Variants in CERT1 observed in about 807,000 individuals in gnomAD.
The protein encoded by CERT1 is ceramide transfer protein.
A neutral mutation model predicts 87.9 loss-of-function variants in CERT1; 31 were observed. The ratio of observed to expected loss-of-function variants is 0.35; its 90% CI spans 0.27 to 0.48. The LOEUF (loss-of-function observed/expected upper bound fraction) is 0.48, where lower values mean the gene tolerates loss of function less well. Among genes scored for constraint, CERT1 ranks in the 20% least tolerant of loss-of-function variants. CERT1 has a pLI of 0.99. For synonymous variants in CERT1, 289 were observed against 250.9 expected (o/e 1.15, Z -1.44); for missense variants, 487 against 758.0 (o/e 0.64, Z 4.20).
At chr5:75,468,682 C>T (rs1175662574) in intron 2 of CERT1, among the ~76,000 whole-genome samples, 1 of 152,144 alleles carries the variant, frequency 6.6e-6, no homozygotes, top group African/African-American at 2.4e-5. Context: ...GTGGTAACAA[C>T]AGATTCTAGT....
intron 2 of CERT1, among the ~76,000 whole-genome samples, chr5:75,498,900 C>G (rs569931962): frequency 2.0e-5 from 3 of 152,318 alleles, no homozygotes; most frequent in East Asian, 3.9e-4. Context: ...GCTGTAGACA[C>G]TCAATGCTAG....
chr5:75,509,773 C>T (rs1392434759), intron 1 of CERT1, among the ~76,000 whole-genome samples: 3 of 152,140 alleles, frequency 2.0e-5, no homozygotes, highest in Admixed American at 6.5e-5. Flanking sequence ...AAGCAAGTAA[C>T]CCACTTCCTA....
chr5:75,486,770 A>C (rs1447943512), intron 2 of CERT1, among the ~76,000 whole-genome samples: 1 of 152,130 alleles, frequency 6.6e-6, no homozygotes, highest in African/African-American at 2.4e-5. Context: ...GAATAAACTT[A>C]ACCAAAGAAG....
At chr5:75,483,089 A>G (rs1367767446) in intron 2 of CERT1, among the ~76,000 whole-genome samples, 1 of 152,236 alleles carries the variant, frequency 6.6e-6, no homozygotes, top group Non-Finnish European at 1.5e-5. Flanking sequence ...TGTGCCCTTT[A>G]AGATACGGTA....
intron 11 of CERT1, among the ~76,000 whole-genome samples, chr5:75,396,673 G>A (rs1397023988): frequency 6.8e-6 from 1 of 147,262 alleles, no homozygotes. Flanking sequence ...AGGGTGCAGT[G>A]AGCCAAGATC....
intron 3 of CERT1, among the ~76,000 whole-genome samples, chr5:75,444,554 T>C (rs1764460549): frequency 1.3e-5 from 2 of 148,302 alleles, no homozygotes; most frequent in African/African-American, 5.0e-5. Flanking sequence ...TTTTCTTTTT[T>C]TTTTTTTTTT....
chr5:75,397,800 C>T (rs1762316775), intron 11 of CERT1, among the ~76,000 whole-genome samples: 1 of 152,108 alleles, frequency 6.6e-6, no homozygotes, highest in Admixed American at 6.6e-5. Context: ...GTGGGCAGAT[C>T]ACGAGGTCAG....
intron 7 of CERT1, among the ~76,000 whole-genome samples, chr5:75,416,674 T>TATACTTTCAAGAAA (rs1338760805): frequency 6.6e-6 from 1 of 152,208 alleles, no homozygotes; most frequent in African/African-American, 2.4e-5. Flanking sequence ...GAAAGCATAC[T>TATACTTTCAAGAAA]GTATAGTAAC....
intron 2 of CERT1, among the ~76,000 whole-genome samples, chr5:75,499,115 C>T (rs988305353): frequency 6.6e-6 from 1 of 152,226 alleles, no homozygotes; most frequent in Non-Finnish European, 1.5e-5. Context: ...TGCCCATACC[C>T]TCAATGTATC....
At chr5:75,373,882 G>A, downstream of CERT1, 1 of 391,036 alleles carries the variant, frequency 2.6e-6, no homozygotes, top group Non-Finnish European at 4.5e-6. Flanking sequence ...AAAAATTAAA[G>A]CATCAATTCC....
intron 3 of CERT1, among the ~76,000 whole-genome samples, chr5:75,431,102 T>C (rs553073955): frequency 7.2e-5 from 11 of 152,262 alleles, no homozygotes; most frequent in African/African-American, 1.4e-4. Flanking sequence ...CATGTGGAGG[T>C]TTATTACATG....
intron 11 of CERT1, among the ~76,000 whole-genome samples, chr5:75,397,384 C>T (rs143397100): frequency 6.6e-6 from 1 of 152,238 alleles, no homozygotes; most frequent in African/African-American, 2.4e-5. Flanking sequence ...ATTAATATTA[C>T]GAAGAAGTAA....
chr5:75,405,289 C>T (rs1762657890), intron 8 of CERT1, among the ~76,000 whole-genome samples: 1 of 152,088 alleles, frequency 6.6e-6, no homozygotes, highest in Admixed American at 6.5e-5. Flanking sequence ...CCTCTCTAAG[C>T]ACTCTTATGG....
At chr5:75,400,445 C>T (rs1762423670) in intron 9 of CERT1, 148 bp from the exon 10 acceptor site, 1 of 551,148 alleles carries the variant, frequency 1.8e-6, no homozygotes, top group South Asian at 3.0e-5. Context: ...ACTCCGCAGA[C>T]ATGGCAAATC....
chr5:75,488,925 G>A (rs1766649491), intron 2 of CERT1, among the ~76,000 whole-genome samples: 1 of 151,870 alleles, frequency 6.6e-6, no homozygotes, highest in Non-Finnish European at 1.5e-5. Flanking sequence ...ATTTTTTTCA[G>A]AGCCCATATA....
chr5:75,369,249 A>G (rs1761001989), intron 17 of CERT1: 1 of 152,170 alleles, frequency 6.6e-6, no homozygotes, highest in Non-Finnish European at 1.5e-5. Context: ...TATTTTCCAT[A>G]TATGACTGGT....
intron 2 of CERT1, among the ~76,000 whole-genome samples, chr5:75,461,923 T>C (rs1765250703): frequency 6.6e-6 from 1 of 152,152 alleles, no homozygotes; most frequent in African/African-American, 2.4e-5. Flanking sequence ...ATCACTATAT[T>C]ACACACACAT....
At chr5:75,506,868 G>A (rs1334261603) in intron 1 of CERT1, among the ~76,000 whole-genome samples, 2 of 152,134 alleles carry the variant, frequency 1.3e-5, no homozygotes, top group Non-Finnish European at 2.9e-5. Context: ...AAGTCTTGCT[G>A]CAAAGTGAAG....
intron 3 of CERT1, among the ~76,000 whole-genome samples, chr5:75,444,117 G>A (rs185627339): frequency 2.0e-5 from 3 of 152,144 alleles, no homozygotes; most frequent in African/African-American, 4.8e-5. Flanking sequence ...GTGCAGTGGC[G>A]TGATCTTGGC....
Sources: gnomAD v4.1 joint callset for allele counts (sites outside exome capture counted in the v4.1 genomes callset) on GRCh38, gnomAD v4.1.1 for gene constraint, MANE v1.5 for transcripts, NCBI Gene and HGNC (gene_info 2026-07-23, HGNC 2026-07-21) for gene names.